Variants in GPD1L observed in about 807,000 individuals in gnomAD.
The protein encoded by GPD1L is glycerol-3-phosphate dehydrogenase 1 like.
A neutral mutation model predicts 32.9 loss-of-function variants in GPD1L; 17 were observed. That is an observed-to-expected ratio of 0.52 (90% confidence interval 0.35 to 0.78). The LOEUF (loss-of-function observed/expected upper bound fraction) is 0.78, where lower values mean the gene tolerates loss of function less well. Ranked by LOEUF, GPD1L falls within the 30% of genes least tolerant of loss-of-function variation. The pLI is 0.01. For missense variants in GPD1L, 361 were observed against 447.8 expected, an observed-to-expected ratio of 0.81 and a Z score of 1.75; for synonymous variants, 187 against 165.9, an observed-to-expected ratio of 1.13 and a Z score of -0.98.
At chr3:32,111,161 T>C (rs1243949420) in intron 1 of GPD1L, among the ~76,000 whole-genome samples, 1 of 152,214 alleles carries the variant, frequency 6.6e-6, no homozygotes, top group East Asian at 1.9e-4. Flanking sequence ...CCACAGTGCC[T>C]GGCCCAAAGT....
intron 1 of GPD1L, among the ~76,000 whole-genome samples, chr3:32,126,448 C>T (rs1453890820): frequency 6.6e-6 from 1 of 152,148 alleles, no homozygotes; most frequent in Non-Finnish European, 1.5e-5. Flanking sequence ...TCCCCCAGAA[C>T]CATACTTGTT....
chr3:32,161,566 C>A (rs1206017170), intron 7 of GPD1L, among the ~76,000 whole-genome samples: 1 of 152,104 alleles, frequency 6.6e-6, no homozygotes, highest in African/African-American at 2.4e-5. Flanking sequence ...CATCTTGAAA[C>A]ACACCCCAAG....
At chr3:32,136,569 T>G (rs1385326692) in intron 2 of GPD1L, among the ~76,000 whole-genome samples, 2 of 152,182 alleles carry the variant, frequency 1.3e-5, no homozygotes, top group Non-Finnish European at 2.9e-5. Context: ...ATAAGGGAAT[T>G]AAACTTCAGA....
At chr3:32,156,365 G>T (rs1373101338) in intron 5 of GPD1L, among the ~76,000 whole-genome samples, 2 of 152,204 alleles carry the variant, frequency 1.3e-5, no homozygotes, top group Non-Finnish European at 2.9e-5. Context: ...CATCAGCTCT[G>T]CCTGCATCAT....
At chr3:32,116,986 G>A (rs1352090472) in intron 1 of GPD1L, among the ~76,000 whole-genome samples, 1 of 152,092 alleles carries the variant, frequency 6.6e-6, no homozygotes, top group African/African-American at 2.4e-5. Flanking sequence ...CTGCCTTCCT[G>A]CCCACTTGAA....
intron 7 of GPD1L, among the ~76,000 whole-genome samples, chr3:32,162,310 C>T (rs75227132): frequency 0.11 from 17,149 of 152,102 alleles, 1,082 homozygotes; most frequent in African/African-American, 0.14. Flanking sequence ...GCAGTACATC[C>T]TCTTACTCCC....
At chr3:32,117,987 C>T (rs1450349253) in intron 1 of GPD1L, among the ~76,000 whole-genome samples, 1 of 152,156 alleles carries the variant, frequency 6.6e-6, no homozygotes, top group Non-Finnish European at 1.5e-5. Flanking sequence ...TACAGGCTGA[C>T]AGAGGTGTGG....
intron 6 of GPD1L, 26 bp from the exon 7 acceptor site, chr3:32,159,542 T>A (rs569115941): frequency 1.0e-4 from 135 of 1,290,572 alleles, no homozygotes; most frequent in South Asian, 4.1e-4. Flanking sequence ...ATAGTTTTTT[T>A]AAATATATAA....
intron 4 of GPD1L, among the ~76,000 whole-genome samples, chr3:32,141,723 A>G (rs940287822): frequency 6.6e-6 from 1 of 152,246 alleles, no homozygotes; most frequent in African/African-American, 2.4e-5. Context: ...AAGTAGAACT[A>G]AGATTGTAAT....
chr3:32,132,093 T>C (rs1700594392), intron 2 of GPD1L, among the ~76,000 whole-genome samples: 1 of 152,260 alleles, frequency 6.6e-6, no homozygotes, highest in Non-Finnish European at 1.5e-5. Flanking sequence ...ATTCTTTATA[T>C]ATTCTAGATA....
At chr3:32,108,388 T>TC (rs1700194705) in intron 1 of GPD1L, among the ~76,000 whole-genome samples, 1 of 152,150 alleles carries the variant, frequency 6.6e-6, no homozygotes, top group South Asian at 2.1e-4. Flanking sequence ...GCGCCTGTAG[T>TC]CCCGGCTACT....
At chr3:32,111,428 T>C (rs1264092144) in intron 1 of GPD1L, among the ~76,000 whole-genome samples, 1 of 152,196 alleles carries the variant, frequency 6.6e-6, no homozygotes, top group African/African-American at 2.4e-5. Context: ...CGCTTCTCTC[T>C]AAGAATCATG....
intron 1 of GPD1L, among the ~76,000 whole-genome samples, chr3:32,114,951 G>A (rs1220145040): frequency 2.0e-5 from 3 of 152,192 alleles, no homozygotes; most frequent in African/African-American, 4.8e-5. Flanking sequence ...TGTAGTGAGT[G>A]TTACAGCTCA....
chr3:32,117,537 C>T (rs939258750), intron 1 of GPD1L, among the ~76,000 whole-genome samples: 3 of 152,132 alleles, frequency 2.0e-5, no homozygotes, highest in Admixed American at 6.5e-5. Context: ...CAGTAATTCT[C>T]ATTATCCAGG....
intron 2 of GPD1L, among the ~76,000 whole-genome samples, chr3:32,135,358 C>A (rs1382621541): frequency 6.6e-6 from 1 of 152,192 alleles, no homozygotes; most frequent in Non-Finnish European, 1.5e-5. Flanking sequence ...GGGTGGGACA[C>A]AGGCAAACAC....
At chr3:32,149,768 C>T (rs1014728257) in intron 5 of GPD1L, among the ~76,000 whole-genome samples, 3 of 151,968 alleles carry the variant, frequency 2.0e-5, no homozygotes, top group Admixed American at 6.6e-5. Context: ...GCCAATAGGG[C>T]GAAACCGCAT....
intron 2 of GPD1L, among the ~76,000 whole-genome samples, chr3:32,136,827 T>C (rs1352034908): frequency 6.6e-6 from 1 of 152,110 alleles, no homozygotes; most frequent in Non-Finnish European, 1.5e-5. Context: ...CAAGGCTAAG[T>C]TACCAAGGTT....
At chr3:32,160,954 A>G (rs1408669674) in intron 7 of GPD1L, among the ~76,000 whole-genome samples, 1 of 152,136 alleles carries the variant, frequency 6.6e-6, no homozygotes, top group Non-Finnish European at 1.5e-5. Context: ...TCTCTAGGGG[A>G]GGGGAGGTCT....
intron 1 of GPD1L, among the ~76,000 whole-genome samples, chr3:32,123,496 G>A (rs11129494): frequency 0.35 from 52,563 of 151,840 alleles, 9,602 homozygotes; most frequent in East Asian, 0.5. Context: ...ATTTGGTTTC[G>A]TGTGTATCCC....
Sources: allele counts gnomAD v4.1 joint callset (sites outside exome capture counted in the v4.1 genomes callset), GRCh38; gene constraint gnomAD v4.1.1; transcripts MANE v1.5; gene names NCBI Gene and HGNC (gene_info 2026-07-23, HGNC 2026-07-21).